Variants in ARHGAP10 observed in about 807,000 individuals in gnomAD.
ARHGAP10 encodes the protein Rho GTPase activating protein 10.
In ARHGAP10, 87 loss-of-function variants were observed where a neutral mutation model predicts 108.6. The ratio of observed to expected loss-of-function variants is 0.80; its 90% confidence interval spans 0.67 to 0.96. The LOEUF (loss-of-function observed/expected upper bound fraction) is 0.96. Among genes scored for constraint, ARHGAP10 ranks in the 40% least tolerant of loss-of-function variants. The pLI is 0.00. For missense variants in ARHGAP10, 939 were observed against 954.5 expected (o/e 0.98, Z 0.21); for synonymous variants, 347 against 341.1 (o/e 1.02, Z -0.19).
chr4:148,068,123 T>C (rs1327509067), intron 22 of ARHGAP10, among the ~76,000 whole-genome samples: 5 of 152,200 alleles, frequency 3.3e-5, no homozygotes, highest in Non-Finnish European at 5.9e-5. Flanking sequence ...CACCAGCCAG[T>C]CCTGCTGTGT....
At chr4:147,877,300 TG>T (rs1735114424) in intron 8 of ARHGAP10, among the ~76,000 whole-genome samples, 1 of 152,260 alleles carries the variant, frequency 6.6e-6, no homozygotes, top group East Asian at 1.9e-4. Flanking sequence ...GTACAAATGC[TG>T]GTTCTTTAAA....
intron 18 of ARHGAP10, among the ~76,000 whole-genome samples, chr4:147,975,690 C>T (rs1363976154): frequency 6.6e-6 from 1 of 152,130 alleles, no homozygotes; most frequent in Non-Finnish European, 1.5e-5. Context: ...AACATGAATC[C>T]ATTTGTGAGG....
At chr4:147,769,563 C>T (rs116188652) in intron 1 of ARHGAP10, among the ~76,000 whole-genome samples, 2 of 152,246 alleles carry the variant, frequency 1.3e-5, no homozygotes, top group African/African-American at 4.8e-5. Flanking sequence ...TTAACAAGTT[C>T]TTTCTACAGA....
intron 10 of ARHGAP10, among the ~76,000 whole-genome samples, chr4:147,884,650 C>T (rs1462324579): frequency 2.0e-5 from 3 of 152,250 alleles, no homozygotes; most frequent in Admixed American, 2.0e-4. Context: ...GATCTGACAT[C>T]TAAATTCATA....
chr4:147,995,488 C>T lies in ARHGAP10; in HGVS notation c.1717-27775C>T, dbSNP rs116241360. Among the ~76,000 whole-genome samples, 1,220 of 152,180 alleles carry T rather than the reference C, an allele frequency of 8.0e-3. 11 individuals are homozygous for T. Among genetic ancestry groups the T allele is most frequent in the African/African-American group, 0.028 (1,149 of 41,506 alleles). On this transcript the variant is annotated intron_variant, in intron 18 of 22. Transcript: ENST00000336498. ...CAAGTTAGAGCTTGCCACATGTTAC[C>T]GTATATTATGTTTTCCTTATGTATT...
At position 147,946,410 on chromosome 4, in the gene ARHGAP10, T is replaced by C. The variant is rs77412028; in HGVS notation, c.1304-207T>C. On this transcript the variant is annotated intron_variant, in intron 14 of 22. Transcript: ENST00000336498. ...CCATCTCTTATTTTTTGCTTTGATC[T>C]CTACTACAGATTTTACGAAGTGCCA... The C allele has an allele frequency of 3.2e-3, 1,435 of 444,540 alleles. 34 individuals carry two copies. The East Asian group carries it at 0.047, about 14-fold the overall frequency. The allele number at this position is 444,540 out of a possible 1,614,324, so 27.5% of individuals were successfully genotyped here.
chr4:147,882,442 G>A (rs972593472), intron 10 of ARHGAP10, among the ~76,000 whole-genome samples: 8 of 135,676 alleles, frequency 5.9e-5, no homozygotes, highest in African/African-American at 1.0e-4. Flanking sequence ...CAGCCTGGGC[G>A]ACAGAGTGAG....
chr4:148,064,943 C>A (rs917434637), intron 22 of ARHGAP10, among the ~76,000 whole-genome samples: 5 of 152,192 alleles, frequency 3.3e-5, no homozygotes, highest in African/African-American at 9.7e-5. Flanking sequence ...ATTTCTATTT[C>A]TCTTACCATT....
intron 19 of ARHGAP10, among the ~76,000 whole-genome samples, chr4:148,025,734 A>T (rs953123298): frequency 2.6e-5 from 4 of 152,174 alleles, no homozygotes; most frequent in Non-Finnish European, 5.9e-5. Context: ...TGTCATTACG[A>T]CTTAATTTTT....
chr4:147,745,790 CTT>C (rs70958581), intron 1 of ARHGAP10, among the ~76,000 whole-genome samples: 6 of 132,946 alleles, frequency 4.5e-5, no homozygotes, highest in Non-Finnish European at 4.7e-5. Context: ...TGTGCCCGGC[CTT>C]TTTTTTTTTT....
intron 10 of ARHGAP10, among the ~76,000 whole-genome samples, chr4:147,906,419 G>GTTCTGTTAA (rs1736496706): frequency 6.6e-6 from 1 of 152,082 alleles, no homozygotes; most frequent in African/African-American, 2.4e-5. Context: ...GATGAAAAAA[G>GTTCTGTTAA]TTCTGTTAAT....
Position 147,987,751 on chromosome 4 carries a change from A to G in ARHGAP10, c.1716+20912A>G, listed in dbSNP as rs1740098653. Among the ~76,000 whole-genome samples, 2 of 152,196 alleles carry G rather than the reference A, an allele frequency of 1.3e-5. 1 individual carries two copies. The highest frequency in any genetic ancestry group is 4.1e-4 in the South Asian group (2 of 4,822). On this transcript the variant is annotated intron_variant, in intron 18 of 22. Transcript: ENST00000336498. ...GACATCTCTGTGCTGGGTCAGGTGT[A>G]GGCAGAACAGAGAAAAGGCAGTGAT...
rs528332350 is a variant in ARHGAP10, at chr4:147,852,654, C to T, written c.385-4899C>T. ...GCCAGTTTTACCATGGGCCGATTGACGTAAACAAAAGTTTTTATGTCATAT... is the reference window on the plus strand; with the variant it reads ...GCCAGTTTTACCATGGGCCGATTGATGTAAACAAAAGTTTTTATGTCATAT... On this transcript the variant is annotated intron_variant, in intron 4 of 22. Coordinates refer to ENST00000336498, the MANE Select transcript of ARHGAP10 (RefSeq NM_024605.4). Among the ~76,000 whole-genome samples, 6 of 149,254 alleles carry T rather than the reference C, an allele frequency of 4.0e-5. No homozygotes were observed. The East Asian group carries it at 7.9e-4, about 20-fold the overall frequency.
At chr4:148,000,644 T>G (rs567160158) in intron 18 of ARHGAP10, among the ~76,000 whole-genome samples, 23 of 152,222 alleles carry the variant, frequency 1.5e-4, no homozygotes, top group African/African-American at 5.1e-4. Context: ...TGGTATCTCA[T>G]TGTGGTTTTG....
intron 1 of ARHGAP10, among the ~76,000 whole-genome samples, chr4:147,762,622 C>T (rs146767648): frequency 1.3e-5 from 2 of 151,684 alleles, no homozygotes; most frequent in South Asian, 2.1e-4. Flanking sequence ...CTCTGCCTCC[C>T]GGGTTCACGC....
At chr4:148,011,358 T>C (rs1741164598) in intron 18 of ARHGAP10, among the ~76,000 whole-genome samples, 3 of 152,198 alleles carry the variant, frequency 2.0e-5, no homozygotes, top group Admixed American at 2.0e-4. Context: ...TGAATAGCTG[T>C]GGGCTGGAAT....
chr4:147,806,775 C>T (rs1731802933), intron 1 of ARHGAP10, among the ~76,000 whole-genome samples: 1 of 152,084 alleles, frequency 6.6e-6, no homozygotes, highest in African/African-American at 2.4e-5. Context: ...CATCATAGCT[C>T]ACTACAACCT....
chr4:147,937,851 T>C (rs1480440124), intron 13 of ARHGAP10, among the ~76,000 whole-genome samples: 2 of 152,208 alleles, frequency 1.3e-5, no homozygotes, highest in Admixed American at 6.5e-5. Flanking sequence ...TGGTGGCATA[T>C]GCCTGTAATC....
At chr4:147,815,427 G>C (rs1281678926) in intron 1 of ARHGAP10, among the ~76,000 whole-genome samples, 3 of 152,128 alleles carry the variant, frequency 2.0e-5, no homozygotes, top group African/African-American at 7.2e-5. Flanking sequence ...ATGGCAAAAG[G>C]GACTTTCAGA....
Sources: gnomAD v4.1 joint callset for allele counts (sites outside exome capture counted in the v4.1 genomes callset) on GRCh38, gnomAD v4.1.1 for gene constraint, MANE v1.5 for transcripts, NCBI Gene and HGNC (gene_info 2026-07-23, HGNC 2026-07-21) for gene names.